The following NBEA variants were observed in gnomAD, a reference collection of about 807,000 sequenced individuals.
The protein encoded by NBEA is lysosomal-trafficking regulator 2.
NBEA carries 44 observed loss-of-function variants against 343.4 expected under a neutral mutation model. That is an observed-to-expected ratio of 0.13 (90% CI 0.10 to 0.16). NBEA has a LOEUF of 0.16. Ranked by LOEUF, NBEA falls within the 10% of genes least tolerant of loss-of-function variation. The probability of loss-of-function intolerance (pLI) is 1.00; values close to 1 mark genes in which losing one functional copy is unlikely to be tolerated. For missense variants in NBEA, 2,555 were observed against 3,631.3 expected (o/e 0.70, Z 7.62); for synonymous variants, 1,175 against 1,238.7 (o/e 0.95, Z 1.08).
chr13:35,382,811 G>C (rs1392814827), intron 38 of NBEA, among the ~76,000 whole-genome samples: 1 of 152,106 alleles, frequency 6.6e-6, no homozygotes, highest in Non-Finnish European at 1.5e-5. Context: ...TGGTTAATTT[G>C]GTAGCAAGGG....
chr13:35,451,548 C>T (rs978876871), intron 39 of NBEA, among the ~76,000 whole-genome samples: 7 of 152,158 alleles, frequency 4.6e-5, no homozygotes, highest in African/African-American at 1.7e-4. Flanking sequence ...TTTCTAACTC[C>T]GCCTTTCTGT....
At chr13:35,181,358 G>T (rs985513862) in intron 28 of NBEA, among the ~76,000 whole-genome samples, 2 of 151,590 alleles carry the variant, frequency 1.3e-5, no homozygotes, top group Non-Finnish European at 3.0e-5. Context: ...GGCCATTCTT[G>T]TGAGAGTAAG....
chr13:35,003,272 T>C (rs1289583641), intron 1 of NBEA, among the ~76,000 whole-genome samples: 4 of 152,136 alleles, frequency 2.6e-5, no homozygotes, highest in Non-Finnish European at 4.4e-5. Flanking sequence ...GCCCAGCTAC[T>C]TCAGGGGGGC....
chr13:35,365,412 A>G (rs574004281), intron 38 of NBEA, among the ~76,000 whole-genome samples: 1 of 151,842 alleles, frequency 6.6e-6, no homozygotes, highest in Non-Finnish European at 1.5e-5. Flanking sequence ...GACATTTAAA[A>G]TTTTTGACCC....
At chr13:35,337,636 C>T (rs1267570938) in intron 36 of NBEA, among the ~76,000 whole-genome samples, 1 of 151,946 alleles carries the variant, frequency 6.6e-6, no homozygotes, top group African/African-American at 2.4e-5. Context: ...ACCTCCCAGC[C>T]GTCTATAGAA....
chr13:35,208,981 A>G (rs901456095), intron 32 of NBEA, 127 bp downstream of exon 32: 1 of 796,350 alleles, frequency 1.3e-6, no homozygotes, highest in African/African-American at 1.8e-5. Flanking sequence ...TAAGAAGGTT[A>G]TATTTTATGT....
chr13:35,251,676 T>G, intron 34 of NBEA: 1 of 631,694 alleles, frequency 1.6e-6, no homozygotes, highest in Non-Finnish European at 2.2e-6. Context: ...CTATCATCTC[T>G]GCCTATGATA....
intron 34 of NBEA, among the ~76,000 whole-genome samples, chr13:35,274,728 C>A (rs1447894620): frequency 6.6e-6 from 1 of 152,010 alleles, no homozygotes; most frequent in South Asian, 2.1e-4. Flanking sequence ...AATAGAGAGC[C>A]AAATTATGAG....
chr13:35,263,740 G>T (rs958066326), intron 34 of NBEA, among the ~76,000 whole-genome samples: 3 of 151,858 alleles, frequency 2.0e-5, no homozygotes, highest in African/African-American at 7.2e-5. Context: ...AACAAAAATG[G>T]AAACAACATA....
At chr13:35,619,979 C>T (rs2082908915) in intron 48 of NBEA, among the ~76,000 whole-genome samples, 1 of 152,144 alleles carries the variant, frequency 6.6e-6, no homozygotes, top group African/African-American at 2.4e-5. Context: ...CTATCATGCA[C>T]TTCATCCTGC....
chr13:35,182,606 C>T (rs1406663324), intron 29 of NBEA, 78 bp downstream of exon 29: 1 of 1,308,514 alleles, frequency 7.6e-7, no homozygotes, highest in African/African-American at 1.5e-5. Context: ...TAGATTTAAA[C>T]TGGACCTCTT....
At position 34,995,563 on chromosome 13, in the gene NBEA, A is replaced by T. The variant is rs147437834; in HGVS notation, c.295-45370A>T. ...CTCAGAACTAGAACAGGTTCCAAGA[A>T]CTATCTGCTACCTGTTCACCTAGCA... On this transcript the variant is annotated intron_variant, in intron 1 of 58. Coordinates refer to ENST00000379939, the MANE Select transcript of NBEA (RefSeq NM_001385012.1). Among the ~76,000 whole-genome samples, 5 of 152,348 alleles carry T rather than the reference A, an allele frequency of 3.3e-5. No individual in the cohort carries two copies. The East Asian group carries it at 9.6e-4, about 29-fold the overall frequency.
At chr13:35,443,064 G>A (rs552030708) in intron 39 of NBEA, among the ~76,000 whole-genome samples, 1 of 152,108 alleles carries the variant, frequency 6.6e-6, no homozygotes. Flanking sequence ...CCAATCAATT[G>A]TTTACAAGCA....
intron 44 of NBEA, among the ~76,000 whole-genome samples, chr13:35,558,859 G>A (rs1169619639): frequency 2.6e-5 from 4 of 152,192 alleles, no homozygotes; most frequent in African/African-American, 4.8e-5. Context: ...TAAAAGTTTA[G>A]AGAAGTGAGA....
At chr13:35,193,007 C>A (rs2152739754) in intron 30 of NBEA, among the ~76,000 whole-genome samples, 1 of 152,004 alleles carries the variant, frequency 6.6e-6, no homozygotes, top group Non-Finnish European at 1.5e-5. Flanking sequence ...TGTATGACTT[C>A]TGATAATTAA....
intron 36 of NBEA, among the ~76,000 whole-genome samples, chr13:35,312,409 A>G (rs531277403): frequency 1.1e-4 from 16 of 152,314 alleles, no homozygotes; most frequent in African/African-American, 3.4e-4. Context: ...ACTAGCGGCA[A>G]GAGAATAGTG....
intron 36 of NBEA, among the ~76,000 whole-genome samples, chr13:35,341,049 C>G (rs1191696476): frequency 6.6e-6 from 1 of 151,992 alleles, no homozygotes; most frequent in African/African-American, 2.4e-5. Flanking sequence ...GTCTTACAGA[C>G]AAATTTAATA....
At chr13:35,257,994 T>C (rs1052035130) in intron 34 of NBEA, among the ~76,000 whole-genome samples, 1 of 152,114 alleles carries the variant, frequency 6.6e-6, no homozygotes, top group Non-Finnish European at 1.5e-5. Context: ...CAAAAGATTT[T>C]AATATTTATT....
intron 38 of NBEA, among the ~76,000 whole-genome samples, chr13:35,425,151 G>C (rs958197756): frequency 6.6e-6 from 1 of 152,074 alleles, no homozygotes; most frequent in Non-Finnish European, 1.5e-5. Context: ...ATTTCCTTCA[G>C]TTCTGCTCTA....
Sources: gnomAD v4.1 joint callset for allele counts (sites outside exome capture counted in the v4.1 genomes callset) on GRCh38, gnomAD v4.1.1 for gene constraint, MANE v1.5 for transcripts, NCBI Gene and HGNC (gene_info 2026-07-23, HGNC 2026-07-21) for gene names.